Variants in PLEKHA8 observed in about 807,000 individuals in gnomAD.
PLEKHA8 encodes the protein pleckstrin homology domain containing A8, also known as pleckstrin homology domain-containing family A member 8.
Under a neutral mutation model 68.2 loss-of-function variants are expected in PLEKHA8, and 36 were observed. That is an observed-to-expected ratio of 0.53 (90% confidence interval 0.40 to 0.70). PLEKHA8 has a LOEUF of 0.70. Among genes scored for constraint, PLEKHA8 ranks in the 30% least tolerant of loss-of-function variants. The pLI is 0.00. For missense variants in PLEKHA8, 505 were observed against 615.4 expected (o/e 0.82, Z 1.90); for synonymous variants, 211 against 216.1 (o/e 0.98, Z 0.20).
chr7:30,117,744 G>C (rs1031740581), intron 13 of PLEKHA8, among the ~76,000 whole-genome samples: 1 of 151,936 alleles, frequency 6.6e-6, no homozygotes, highest in African/African-American at 2.4e-5. Context: ...CAACAGTTTT[G>C]ATTTACAACT....
intron 9 of PLEKHA8, among the ~76,000 whole-genome samples, chr7:30,057,438 G>A (rs1793083021): frequency 6.6e-6 from 1 of 151,466 alleles, no homozygotes; most frequent in South Asian, 2.1e-4. Flanking sequence ...ATGGACTTTG[G>A]GCAGTTTGTA....
At chr7:30,110,304 T>C (rs1474922683) in intron 13 of PLEKHA8, among the ~76,000 whole-genome samples, 1 of 152,236 alleles carries the variant, frequency 6.6e-6, no homozygotes, top group Non-Finnish European at 1.5e-5. Flanking sequence ...TACTTTCACT[T>C]AGCACATTTT....
Position 30,080,953 on chromosome 7 carries a change from A to G in PLEKHA8, c.*2166A>G, listed in dbSNP as rs1246965040. 8 of 985,280 alleles carry G rather than the reference A, an allele frequency of 8.1e-6. No individual in the cohort carries two copies. The highest frequency in any genetic ancestry group is 1.2e-6 in the Non-Finnish European group (1 of 829,922). 61.0% of individuals were successfully genotyped at this position (985,280 alleles called of 1,614,324 possible). On this transcript the variant is annotated 3_prime_UTR_variant, in exon 14 of 14. Transcript: ENST00000449726. ...TAGAATTGTGCAGTGTGATCATTCT[A>G]AACAGCTGCTGGTGCTCCCTGTCAC...
At position 30,074,078 on chromosome 7, in the gene PLEKHA8, A is replaced by G. The variant is rs1308888673; in HGVS notation, c.1308A>G (p.Ala436=). Residue 436 remains alanine (A), a synonymous_variant, in exon 13 of 14, where the codon GCA becomes GCG. Transcript: ENST00000449726. ...GTTTTTCTTCTTTTCAAGATAATGCATATGGTAAAACATTGCGGCAACACC... is the reference window on the plus strand; with the variant it reads ...GTTTTTCTTCTTTTCAAGATAATGCGTATGGTAAAACATTGCGGCAACACC... ...EKDIQTALNN[A]YGKTLRQHHG... is the part of the protein sequence containing the mutation. 5.0e-6 allele frequency: 8 copies of G among 1,612,494 alleles called. No individual in the cohort carries two copies. Among genetic ancestry groups the G allele is most frequent in the East Asian group, 2.2e-5 (1 of 44,872 alleles).
At chr7:30,054,903 C>T in intron 8 of PLEKHA8, 38 bp downstream of exon 8, 1 of 1,536,268 alleles carries the variant, frequency 6.5e-7, no homozygotes, top group Non-Finnish European at 8.9e-7. Context: ...TGCTTGGATA[C>T]TAACTTCCAT....
intron 13 of PLEKHA8, among the ~76,000 whole-genome samples, chr7:30,105,658 A>C (rs1796028535): frequency 6.6e-6 from 1 of 152,222 alleles, no homozygotes; most frequent in Non-Finnish European, 1.5e-5. Context: ...GGTAACTCAC[A>C]AATGAGGAAA....
chr7:30,128,976 T>C (rs1436385903), intron 13 of PLEKHA8, among the ~76,000 whole-genome samples: 1 of 152,184 alleles, frequency 6.6e-6, no homozygotes, highest in Non-Finnish European at 1.5e-5. Flanking sequence ...AAGCCATTCA[T>C]GTGTGATCCA....
intron 3 of PLEKHA8, 46 bp downstream of exon 3, chr7:30,046,411 A>G (rs1212629933): frequency 2.0e-6 from 3 of 1,518,680 alleles, no homozygotes; most frequent in Non-Finnish European, 2.6e-6. Context: ...GGAATCACCC[A>G]CTGGCATCTC....
intron 1 of PLEKHA8, among the ~76,000 whole-genome samples, chr7:30,034,010 C>CTTTTGTTTTTTTTTTTTT (rs1790859175): frequency 1.2e-4 from 4 of 34,632 alleles, no homozygotes; most frequent in African/African-American, 5.1e-4. Flanking sequence ...TAAGAGGTTT[C>CTTTTGTTTTTTTTTTTTT]TTTTTTTTTT....
intron 1 of PLEKHA8, among the ~76,000 whole-genome samples, chr7:30,035,809 G>A (rs112309623): frequency 0.18 from 26,619 of 151,584 alleles, 2,432 homozygotes; most frequent in African/African-American, 0.22. Flanking sequence ...AAGCCCGGCT[G>A]ATTTTTTTTT....
At chr7:30,102,846 A>C (rs1795900267) in intron 13 of PLEKHA8, among the ~76,000 whole-genome samples, 1 of 152,254 alleles carries the variant, frequency 6.6e-6, no homozygotes, top group African/African-American at 2.4e-5. Flanking sequence ...CAAGGCCCGG[A>C]GTTCCAGACC....
At chr7:30,077,906 T>C (rs1271573123) in intron 13 of PLEKHA8, among the ~76,000 whole-genome samples, 1 of 152,164 alleles carries the variant, frequency 6.6e-6, no homozygotes, top group African/African-American at 2.4e-5. Context: ...AATATGGTGG[T>C]GTGGTTGAAA....
chr7:30,056,312 C>CTCTCTCTCTCTCTATATA (rs796845171), intron 9 of PLEKHA8, among the ~76,000 whole-genome samples: 33 of 94,546 alleles, frequency 3.5e-4, no homozygotes, highest in East Asian at 8.6e-4. Context: ...CTCTCTCTCT[C>CTCTCTCTCTCTCTATATA]TATATATATA....
At chr7:30,110,375 A>G (rs1796232024) in intron 13 of PLEKHA8, among the ~76,000 whole-genome samples, 1 of 152,232 alleles carries the variant, frequency 6.6e-6, no homozygotes, top group Non-Finnish European at 1.5e-5. Flanking sequence ...GCTGAATAGT[A>G]TTCCATTGTA....
intron 13 of PLEKHA8, among the ~76,000 whole-genome samples, chr7:30,113,075 C>T (rs1025003830): frequency 6.6e-6 from 1 of 152,136 alleles, no homozygotes; most frequent in African/African-American, 2.4e-5. Context: ...TTATGTCCCT[C>T]AAATTCATCA....
At chr7:30,107,109 A>G (rs1796087960) in intron 13 of PLEKHA8, among the ~76,000 whole-genome samples, 1 of 152,076 alleles carries the variant, frequency 6.6e-6, no homozygotes. Flanking sequence ...GAATTTATAG[A>G]CTGACTTTGG....
At chr7:30,056,670 A>G (rs1269457171) in intron 9 of PLEKHA8, among the ~76,000 whole-genome samples, 1 of 137,898 alleles carries the variant, frequency 7.3e-6, no homozygotes, top group African/African-American at 2.7e-5. Flanking sequence ...CGGAGGTTGC[A>G]GTGAGCCGAG....
At position 30,079,074 on chromosome 7, in the gene PLEKHA8, C is replaced by G. The variant is rs1011852325; in HGVS notation, c.*287C>G. On this transcript the variant is annotated 3_prime_UTR_variant, in exon 14 of 14. Coordinates refer to ENST00000449726, the MANE Select transcript of PLEKHA8 (RefSeq NM_001197026.2). ...AGAGCAGATTTAACAAACAAATTTG[C>G]TGTTATTGTGTATTGTATTGTTTTT... 8.6e-7 allele frequency: 1 copy of G among 1,163,792 alleles called. No individual in the cohort carries two copies. 72.1% of individuals were successfully genotyped at this position (1,163,792 alleles called of 1,614,324 possible).
intron 9 of PLEKHA8, 128 bp downstream of exon 9, chr7:30,055,470 C>G: frequency 2.7e-6 from 2 of 746,992 alleles, no homozygotes; most frequent in South Asian, 1.6e-5. Flanking sequence ...TTCAAATCAC[C>G]AGACACATAC....
Sources: gnomAD v4.1 joint callset for allele counts (sites outside exome capture counted in the v4.1 genomes callset) on GRCh38, gnomAD v4.1.1 for gene constraint, MANE v1.5 for transcripts, NCBI Gene and HGNC (gene_info 2026-07-23, HGNC 2026-07-21) for gene names.